Variants in TASOR observed in about 807,000 individuals in gnomAD.
TASOR encodes the protein protein TASOR.
In TASOR, 53 loss-of-function variants were observed where a neutral mutation model predicts 178.6. The observed-to-expected ratio is 0.30, with a 90% CI of 0.24 to 0.37. The LOEUF (loss-of-function observed/expected upper bound fraction) is 0.37. Ranked by LOEUF, TASOR falls within the 10% of genes least tolerant of loss-of-function variation. The pLI is 1.00. For missense variants in TASOR, 1,815 were observed against 1,971.4 expected, an observed-to-expected ratio of 0.92 and a Z score of 1.50; for synonymous variants, 713 against 696.2, an observed-to-expected ratio of 1.02 and a Z score of -0.38.
intron 7 of TASOR, among the ~76,000 whole-genome samples, chr3:56,665,610 C>T (rs1353420105): frequency 3.3e-5 from 5 of 152,012 alleles, no homozygotes; most frequent in Non-Finnish European, 5.9e-5. Context: ...CCACCCACCT[C>T]GTCCTCCCAA....
rs1433145402 is a variant in TASOR, at chr3:56,683,024, C to T, written c.-18G>A. ...GTCGCCATCGCGCCGGCCTAAGGAG[C>T]TCTGGGAAGCTTCTGCCCACAAGGT... On this transcript the variant is annotated 5_prime_UTR_variant, in exon 1 of 24. Transcript: ENST00000683822. 12 of 1,510,504 alleles carry T rather than the reference C, an allele frequency of 7.9e-6. No individual in the cohort carries two copies. The highest frequency in any genetic ancestry group is 1.1e-5 in the Non-Finnish European group (12 of 1,127,682). The allele number at this position is 1,510,504 out of a possible 1,614,324, so 93.6% of individuals were successfully genotyped here.
intron 1 of TASOR, among the ~76,000 whole-genome samples, chr3:56,680,949 T>C (rs1403527501): frequency 6.6e-6 from 1 of 152,106 alleles, no homozygotes; most frequent in Non-Finnish European, 1.5e-5. Flanking sequence ...CTGAAGTCTA[T>C]TTTACAACAA....
chr3:56,627,655 G>A lies in TASOR; in HGVS notation c.3957C>T (p.Tyr1319=). ...DSLDDVKNHT[Y]NELFVSGGFI... ...AACCTCCAGATACAAATAATTCATT[G>A]TATGTATGATTTTTAACATCATCCA... is the stretch of plus-strand genomic sequence containing the variant. The change falls in exon 20 of 24, where the codon TAC becomes TAT. Residue 1319 remains tyrosine, a synonymous_variant. Coordinates refer to ENST00000683822, the MANE Select transcript of TASOR (RefSeq NM_001365635.2). The A allele has an allele frequency of 6.2e-7, 1 of 1,613,882 alleles. No homozygotes were observed. The highest frequency in any genetic ancestry group is 8.5e-7 in the Non-Finnish European group (1 of 1,179,778).
chr3:56,637,068 C>A (rs2077032388), intron 17 of TASOR, among the ~76,000 whole-genome samples: 1 of 152,082 alleles, frequency 6.6e-6, no homozygotes, highest in South Asian at 2.1e-4. Context: ...CATGAAAGTA[C>A]CAAACACGAG....
At chr3:56,630,200 C>A (rs927096025) in intron 18 of TASOR, among the ~76,000 whole-genome samples, 1 of 151,972 alleles carries the variant, frequency 6.6e-6, no homozygotes, top group Non-Finnish European at 1.5e-5. Flanking sequence ...CTCCTGACCT[C>A]GTGATCTGCC....
At chr3:56,679,634 T>C in intron 1 of TASOR, among the ~76,000 whole-genome samples, 1 of 152,220 alleles carries the variant, frequency 6.6e-6, no homozygotes, top group Non-Finnish European at 1.5e-5. Context: ...CAATTAATTT[T>C]TGAGACTCCC....
In TASOR at chr3:56,671,676, C is replaced by T. The variant is rs570578679; in HGVS notation, c.494G>A (p.Arg165Lys). The change falls in exon 3 of 24, where the codon AGA becomes AAA. Residue 165 changes from arginine to lysine, a missense_variant. Physicochemically the swap from Arg to Lys is conservative, Grantham distance 26. Coordinates refer to ENST00000683822, the MANE Select transcript of TASOR (RefSeq NM_001365635.2). ...LLEKEFTEKR[R>K]ELKFDGRLDK... is the part of the protein sequence containing the mutation. ...TAAACGACCATCAAACTTCAGTTCT[C>T]TTCGCTTTTCTGTAAACTAAATGAA... The T allele has an allele frequency of 6.5e-7, 1 of 1,548,468 alleles. No homozygotes were observed. Among genetic ancestry groups the T allele is most frequent in the South Asian group, 1.2e-5 (1 of 83,536 alleles).
At chr3:56,625,161 GGAAA>G (rs967064479) in intron 21 of TASOR, among the ~76,000 whole-genome samples, 155 bp from the exon 22 acceptor site, 19 of 151,986 alleles carry the variant, frequency 1.3e-4, no homozygotes, top group South Asian at 4.1e-4. Context: ...GTGCTTCTTT[GGAAA>G]GAAAGAAAGA....
intron 2 of TASOR, among the ~76,000 whole-genome samples, chr3:56,672,292 A>G (rs2030811462): frequency 6.6e-6 from 1 of 152,192 alleles, no homozygotes; most frequent in Admixed American, 6.5e-5. Flanking sequence ...CTGCTCTTTA[A>G]TAACTAATTT....
At chr3:56,654,403 T>TGGGGGGGGGGGGGG (rs1559838476) in intron 11 of TASOR, among the ~76,000 whole-genome samples, 2 of 127,312 alleles carry the variant, frequency 1.6e-5, no homozygotes, top group African/African-American at 2.9e-5. Flanking sequence ...TGGGCGGGGT[T>TGGGGGGGGGGGGGG]GGGGGGTGGT....
intron 2 of TASOR, 136 bp from the exon 3 acceptor site, chr3:56,671,828 C>T: frequency 1.9e-6 from 1 of 535,388 alleles, no homozygotes; most frequent in Non-Finnish European, 3.1e-6. Context: ...TACTCTCTGT[C>T]CTTCAGTTTT....
chr3:56,641,866 A>G, intron 14 of TASOR, 114 bp from the exon 15 acceptor site: 1 of 1,087,542 alleles, frequency 9.2e-7, no homozygotes, highest in Non-Finnish European at 1.3e-6. Flanking sequence ...GAACTCAACC[A>G]ATTTGCTTAG....
chr3:56,648,106 C>CT (rs1341293808), intron 13 of TASOR, among the ~76,000 whole-genome samples: 1 of 152,180 alleles, frequency 6.6e-6, no homozygotes, highest in African/African-American at 2.4e-5. Context: ...ACTCAAGAGG[C>CT]TGAGGCAGGA....
At chr3:56,680,043 G>A (rs534063758) in intron 1 of TASOR, among the ~76,000 whole-genome samples, 3 of 152,128 alleles carry the variant, frequency 2.0e-5, no homozygotes, top group South Asian at 2.1e-4. Flanking sequence ...TTTAATGAAG[G>A]GGGGGAACAG....
intron 21 of TASOR, among the ~76,000 whole-genome samples, chr3:56,625,780 C>T (rs2076785331): frequency 6.6e-6 from 1 of 151,942 alleles, no homozygotes; most frequent in Non-Finnish European, 1.5e-5. Flanking sequence ...TATGCCACCA[C>T]ACCCAGCTAA....
In TASOR at chr3:56,670,082, G is replaced by T. The variant is rs1476003680; in HGVS notation, c.634C>A (p.Pro212Thr). The T allele has an allele frequency of 7.8e-6, 12 of 1,535,824 alleles. No individual in the cohort carries two copies. Among genetic ancestry groups the T allele is most frequent in the South Asian group, 1.2e-5 (1 of 80,218 alleles). Reference protein sequence around the residue: ...GQSKITILGSPSMGVYLSRYA... With the variant: ...GQSKITILGSTSMGVYLSRYA... The stretch of plus-strand genomic sequence containing the variant: ...AAAGAAAAAAGATTACCCATGGAAG[G>T]ACTGCCAAGAATTGTTATTTTGGAC... Residue 212 changes from proline to threonine, a missense_variant, in exon 4 of 24, where the codon CCT becomes ACT. Around this residue, in one of 5 missense-constraint regions of TASOR, gnomAD observed 504 missense variants for 645.3 expected, o/e 0.78. Coordinates refer to ENST00000683822, the MANE Select transcript of TASOR (RefSeq NM_001365635.2).
chr3:56,680,051 C>A (rs903005814), intron 1 of TASOR, among the ~76,000 whole-genome samples: 1 of 152,114 alleles, frequency 6.6e-6, no homozygotes, highest in African/African-American at 2.4e-5. Flanking sequence ...AGGGGGGGAA[C>A]AGTTTTTGTT....
chr3:56,622,451 T>TACTC lies in TASOR; in HGVS notation c.*582_*585dup, dbSNP rs2076708315. 1 of 152,594 alleles carries TACTC rather than the reference T, an allele frequency of 6.6e-6. No individual in the cohort carries two copies. Among genetic ancestry groups the TACTC allele is most frequent in the Non-Finnish European group, 1.5e-5 (1 of 67,990 alleles). The allele number at this position is 152,594 out of a possible 1,614,324, so 9.5% of individuals were successfully genotyped here. A position where few individuals can be genotyped will look rare whatever the true frequency, so the allele number is the denominator to read the frequency against. ...TGCGCAGGTACTGAAAATTATCCAATACTCTCAAAAAGTTACCAGAATTTT... is the reference window on the plus strand; with the variant it reads ...TGCGCAGGTACTGAAAATTATCCAATACTCACTCTCAAAAAGTTACCAGAATTTT... On this transcript the variant is annotated 3_prime_UTR_variant, in exon 24 of 24. Coordinates refer to ENST00000683822, the MANE Select transcript of TASOR (RefSeq NM_001365635.2).
intron 11 of TASOR, among the ~76,000 whole-genome samples, chr3:56,658,931 AGAGT>A (rs979890308): frequency 7.3e-6 from 1 of 137,582 alleles, no homozygotes; most frequent in Non-Finnish European, 1.5e-5. Context: ...AGAGAGACAG[AGAGT>A]GAGAGAGAGA....
Sources: gnomAD v4.1 joint callset for allele counts (sites outside exome capture counted in the v4.1 genomes callset) on GRCh38, gnomAD v4.1.1 for gene constraint, gnomAD v4.1.1 regional missense constraint, MANE v1.5 for transcripts, NCBI Gene and HGNC (gene_info 2026-07-23, HGNC 2026-07-21) for gene names.